The following CHD6 variants were observed in gnomAD, a reference collection of about 807,000 sequenced individuals.
The protein encoded by CHD6 is ATP-dependent chromatin remodeler CHD6.
Under a neutral mutation model 276.9 loss-of-function variants are expected in CHD6, and 50 were observed. The observed-to-expected ratio is 0.18, with a 90% CI of 0.14 to 0.23. CHD6 has a LOEUF of 0.23. CHD6 is among the 10% of genes least tolerant of loss of function. CHD6 has a pLI of 1.00. For synonymous variants in CHD6, 1,173 were observed against 1,229.3 expected, an observed-to-expected ratio of 0.95 and a Z score of 0.96; for missense variants, 2,564 against 3,365.8, an observed-to-expected ratio of 0.76 and a Z score of 5.89.
intron 27 of CHD6, among the ~76,000 whole-genome samples, chr20:41,432,360 T>C (rs1415343568): frequency 2.6e-5 from 4 of 152,086 alleles, no homozygotes; most frequent in African/African-American, 9.7e-5. Context: ...TTCTACTTTT[T>C]CCAGGTGGTA....
chr20:41,439,610 G>A (rs1364546955), intron 26 of CHD6, among the ~76,000 whole-genome samples: 1 of 152,196 alleles, frequency 6.6e-6, no homozygotes, highest in Admixed American at 6.5e-5. Context: ...AGGAACTGCA[G>A]TTCAAAGTCA....
intron 24 of CHD6, 26 bp downstream of exon 24, chr20:41,447,856 G>A: frequency 6.6e-7 from 1 of 1,516,574 alleles, no homozygotes; most frequent in Middle Eastern, 1.7e-4. Context: ...CTTTAACGTT[G>A]ATATGTTAAG....
In CHD6 at chr20:41,403,758, G is replaced by A. The variant is rs919596378; in HGVS notation, c.*835C>T. ...TTAATGGCTAGAGAAATCTGTAAGC[G>A]AACCAGGTGAGAGCAGAGCGCTAGC... On this transcript the variant is annotated 3_prime_UTR_variant, in exon 37 of 37. Transcript: ENST00000373233. 1.3e-5 allele frequency: 14 copies of A among 1,057,400 alleles called. No homozygotes were observed. The East Asian group carries it at 5.7e-4, about 43-fold the overall frequency. 65.5% of individuals were successfully genotyped at this position (1,057,400 alleles called of 1,614,324 possible). A position where few individuals can be genotyped will look rare whatever the true frequency, so the allele number is the denominator to read the frequency against.
chr20:41,533,455 T>A lies in CHD6; in HGVS notation c.149A>T (p.Asp50Val). The change falls in exon 3 of 37, where the codon GAT (aspartate) becomes GTT (valine). Residue 50 changes from aspartate (D) to valine (V), a missense_variant. This residue lies in a region of CHD6 where 286 missense variants were observed against 297.8 expected (regional missense o/e 0.96). Coordinates refer to ENST00000373233, the MANE Select transcript of CHD6 (RefSeq NM_032221.5). ...CTGAGGCAGACAGTGACTAGCAACA[T>A]CTTCAATTTTCTCTTCTTGATCAGT... Reference protein sequence around the residue: ...CSTDQEEKIEDVASHCLPQKD... With the variant: ...CSTDQEEKIEVVASHCLPQKD... 6.2e-7 allele frequency: 1 copy of A among 1,614,220 alleles called. No homozygotes were observed. The highest frequency in any genetic ancestry group is 2.2e-5 in the East Asian group (1 of 44,892).
chr20:41,526,392 T>A (rs1196700346), intron 3 of CHD6, among the ~76,000 whole-genome samples: 5 of 152,170 alleles, frequency 3.3e-5, no homozygotes, highest in Admixed American at 6.5e-5. Context: ...AACCTGAAAT[T>A]AGCCTCAATA....
intron 6 of CHD6, among the ~76,000 whole-genome samples, chr20:41,498,702 G>T (rs1441811259): frequency 1.3e-5 from 2 of 152,030 alleles, no homozygotes; most frequent in Non-Finnish European, 2.9e-5. Flanking sequence ...TCCTATAGGA[G>T]ATTCCTACAA....
chr20:41,416,750 C>A lies in CHD6; in HGVS notation c.6324G>T (p.Val2108=). 6.2e-7 allele frequency: 1 copy of A among 1,609,422 alleles called. No individual in the cohort carries two copies. The highest frequency in any genetic ancestry group is 8.5e-7 in the Non-Finnish European group (1 of 1,176,878). The change falls in exon 33 of 37, where the codon GTG becomes GTT. Residue 2108 remains valine, a synonymous_variant. Transcript: ENST00000373233. ...INRLDNICHV[V]LKGKWPSSQQ... is the part of the protein sequence containing the mutation. ...GGCTAGAGGGCCACTTCCCCTTTAA[C>A]ACCACGTGGCAGATATTATCTAGGC...
At chr20:41,475,791 G>T (rs925239844) in intron 16 of CHD6, among the ~76,000 whole-genome samples, 2 of 152,130 alleles carry the variant, frequency 1.3e-5, no homozygotes, top group Non-Finnish European at 2.9e-5. Context: ...GTGAGGCTGG[G>T]AATTAGCACA....
intron 5 of CHD6, among the ~76,000 whole-genome samples, chr20:41,504,552 G>T (rs1012286197): frequency 1.3e-5 from 2 of 151,852 alleles, no homozygotes; most frequent in Non-Finnish European, 2.9e-5. Context: ...TGGGACTACA[G>T]GCACAAGCCA....
At chr20:41,454,526 C>G (rs1479086708) in intron 20 of CHD6, 100 bp downstream of exon 20, 2 of 877,518 alleles carry the variant, frequency 2.3e-6, no homozygotes, top group Non-Finnish European at 3.6e-6. Context: ...ATTTAAGAAC[C>G]AAGACTCAAG....
At chr20:41,593,638 C>T (rs2045687378) in intron 1 of CHD6, among the ~76,000 whole-genome samples, 1 of 152,148 alleles carries the variant, frequency 6.6e-6, no homozygotes, top group Non-Finnish European at 1.5e-5. Context: ...AATTCATATG[C>T]TGAAGCCCTA....
intron 1 of CHD6, among the ~76,000 whole-genome samples, chr20:41,594,696 A>G (rs1406960300): frequency 6.6e-6 from 1 of 152,204 alleles, no homozygotes; most frequent in Non-Finnish European, 1.5e-5. Flanking sequence ...TTAATCTATA[A>G]CTAGCAAATC....
chr20:41,497,527 G>A (rs1411368072), intron 7 of CHD6, 26 bp from the exon 8 acceptor site: 9 of 1,478,098 alleles, frequency 6.1e-6, no homozygotes, highest in Non-Finnish European at 8.5e-6. Flanking sequence ...CAAATTGTCA[G>A]GCAAGCACAT....
intron 27 of CHD6, among the ~76,000 whole-genome samples, chr20:41,435,170 G>A (rs555540416): frequency 2.6e-5 from 4 of 152,144 alleles, no homozygotes; most frequent in African/African-American, 9.6e-5. Flanking sequence ...TAAACTGAAT[G>A]AAAGTGAAAA....
At chr20:41,608,995 C>G (rs1012071890) in intron 1 of CHD6, among the ~76,000 whole-genome samples, 4 of 152,230 alleles carry the variant, frequency 2.6e-5, no homozygotes, top group Non-Finnish European at 5.9e-5. Flanking sequence ...ATTTTAGTAA[C>G]ATCTCATACA....
intron 1 of CHD6, among the ~76,000 whole-genome samples, chr20:41,598,873 G>T (rs76872797): frequency 6.6e-6 from 1 of 152,108 alleles, no homozygotes; most frequent in Non-Finnish European, 1.5e-5. Context: ...CAACACTTGC[G>T]CCCTAATTCA....
intron 5 of CHD6, among the ~76,000 whole-genome samples, chr20:41,510,611 CAA>C (rs779947026): frequency 2.6e-5 from 4 of 152,172 alleles, no homozygotes; most frequent in Middle Eastern, 3.2e-3. Flanking sequence ...TTAGAAGAAA[CAA>C]AAGAGTCTTA....
intron 2 of CHD6, among the ~76,000 whole-genome samples, chr20:41,539,494 G>C (rs139588991): frequency 1.6e-3 from 238 of 152,308 alleles, no homozygotes; most frequent in African/African-American, 5.5e-3. Flanking sequence ...ACTTGCATTA[G>C]GCTGCCCTTC....
In CHD6 at chr20:41,610,119, G is replaced by C. The variant is rs59766885; in HGVS notation, c.-24+8221C>G. Among the ~76,000 whole-genome samples, 1,125 of 152,158 alleles carry C rather than the reference G, an allele frequency of 7.4e-3. 10 individuals are homozygous for C. Among genetic ancestry groups the C allele is most frequent in the African/African-American group, 0.026 (1,085 of 41,522 alleles). The stretch of plus-strand genomic sequence containing the variant: ...TGATCTGCCCACCTCACCTCCCAAA[G>C]TGTTGGGATTACAGGCATAAGCCAT... On this transcript the variant is annotated intron_variant, in intron 1 of 36. Transcript: ENST00000373233.
Sources: gnomAD v4.1 joint callset for allele counts (sites outside exome capture counted in the v4.1 genomes callset) on GRCh38, gnomAD v4.1.1 for gene constraint, gnomAD v4.1.1 regional missense constraint, MANE v1.5 for transcripts, NCBI Gene and HGNC (gene_info 2026-07-23, HGNC 2026-07-21) for gene names.